The following BCAS3 variants were observed in gnomAD, a reference collection of about 807,000 sequenced individuals.
BCAS3 encodes the protein BCAS3 microtubule associated cell migration factor.
Under a neutral mutation model 116.1 loss-of-function variants are expected in BCAS3, and 53 were observed. The ratio of observed to expected loss-of-function variants is 0.46; its 90% CI spans 0.37 to 0.57. The LOEUF is 0.57. Among genes scored for constraint, BCAS3 ranks in the 20% least tolerant of loss-of-function variants. The pLI, the probability that BCAS3 is intolerant of heterozygous loss-of-function variation, is 0.00. For synonymous variants in BCAS3, 391 were observed against 408.2 expected (o/e 0.96, Z 0.51); for missense variants, 917 against 1,165.4 (o/e 0.79, Z 3.10).
intron 6 of BCAS3, among the ~76,000 whole-genome samples, chr17:60,769,560 C>T (rs2044448924): frequency 6.6e-6 from 1 of 152,120 alleles, no homozygotes; most frequent in African/African-American, 2.4e-5. Context: ...TGTGGGCCTG[C>T]CGTGGGGAAG....
rs563657936 is a variant in BCAS3, at chr17:60,778,760, A to G, written c.404-29244A>G. Among the ~76,000 whole-genome samples, 36 of 152,308 alleles carry G rather than the reference A, an allele frequency of 2.4e-4. No individual in the cohort carries two copies. The South Asian group carries it at 7.5e-3, about 32-fold the overall frequency. ...AAGTGGCTTTAAATCTCTTTATAAG[A>G]TGATACATCTACCATGTAAAAAGAT... On this transcript the variant is annotated intron_variant, in intron 6 of 23. Transcript: ENST00000407086.
intron 7 of BCAS3, among the ~76,000 whole-genome samples, chr17:60,819,821 G>A (rs1371363423): frequency 4.6e-5 from 7 of 151,538 alleles, no homozygotes; most frequent in Non-Finnish European, 1.0e-4. Flanking sequence ...TGAAGGCAAT[G>A]GCTTGATCCT....
intron 7 of BCAS3, among the ~76,000 whole-genome samples, chr17:60,831,262 T>C (rs1343146846): frequency 6.6e-6 from 1 of 152,180 alleles, no homozygotes; most frequent in African/African-American, 2.4e-5. Context: ...CTGCAACCTC[T>C]GCCTCCCAGG....
chr17:60,758,219 T>C (rs2043183016), intron 6 of BCAS3, among the ~76,000 whole-genome samples: 1 of 152,212 alleles, frequency 6.6e-6, no homozygotes, highest in African/African-American at 2.4e-5. Flanking sequence ...GACTCAAAAT[T>C]GCTCTATTTG....
At chr17:60,849,921 G>A (rs780802294) in intron 7 of BCAS3, among the ~76,000 whole-genome samples, 43 of 152,142 alleles carry the variant, frequency 2.8e-4, no homozygotes, top group Non-Finnish European at 4.9e-4. Flanking sequence ...ACCGTGCCTC[G>A]CTGATTTTTT....
intron 22 of BCAS3, among the ~76,000 whole-genome samples, chr17:61,252,010 A>G (rs779710699): frequency 2.6e-5 from 4 of 152,240 alleles, no homozygotes; most frequent in Non-Finnish European, 5.9e-5. Context: ...AATAGCTGAG[A>G]TCACTCAACA....
chr17:61,322,587 T>C (rs1206736457), intron 22 of BCAS3, among the ~76,000 whole-genome samples: 1 of 152,166 alleles, frequency 6.6e-6, no homozygotes. Flanking sequence ...TCCTTTTTCC[T>C]CCCTTTCTCC....
At chr17:60,896,050 G>A (rs963699891) in intron 10 of BCAS3, among the ~76,000 whole-genome samples, 8 of 152,228 alleles carry the variant, frequency 5.3e-5, no homozygotes, top group Non-Finnish European at 2.9e-5. Flanking sequence ...TTAAGGCCAG[G>A]CACGGTTGCA....
intron 7 of BCAS3, among the ~76,000 whole-genome samples, chr17:60,827,660 C>T (rs1056657402): frequency 6.6e-6 from 1 of 152,080 alleles, no homozygotes; most frequent in Non-Finnish European, 1.5e-5. Context: ...TCCATGAAGC[C>T]ATCACATTCC....
At chr17:61,270,948 C>T (rs967895910) in intron 22 of BCAS3, among the ~76,000 whole-genome samples, 16 of 150,130 alleles carry the variant, frequency 1.1e-4, no homozygotes, top group African/African-American at 3.9e-4. Flanking sequence ...TAGTAGAGAC[C>T]GGGTTTCTCC....
At chr17:60,726,861 GA>G (rs1431405244) in intron 5 of BCAS3, among the ~76,000 whole-genome samples, 5 of 151,618 alleles carry the variant, frequency 3.3e-5, no homozygotes, top group Non-Finnish European at 5.9e-5. Context: ...CGTAGAATAT[GA>G]AAAAAAATTG....
chr17:60,894,267 T>C (rs1239703949), intron 10 of BCAS3, among the ~76,000 whole-genome samples: 1 of 152,152 alleles, frequency 6.6e-6, no homozygotes, highest in Non-Finnish European at 1.5e-5. Context: ...CAGTGTTTTG[T>C]AGTTTTTTCT....
At chr17:60,792,177 G>A (rs2046830416) in intron 6 of BCAS3, among the ~76,000 whole-genome samples, 1 of 152,174 alleles carries the variant, frequency 6.6e-6, no homozygotes, top group African/African-American at 2.4e-5. Context: ...TGGAAATGTT[G>A]GGAGGTGGTG....
At chr17:60,894,998 T>C (rs2057413667) in intron 10 of BCAS3, among the ~76,000 whole-genome samples, 1 of 152,200 alleles carries the variant, frequency 6.6e-6, no homozygotes, top group African/African-American at 2.4e-5. Context: ...GTGTCTGTGT[T>C]CATCAGGGAT....
chr17:60,682,531 T>C (rs1288733366), intron 2 of BCAS3, among the ~76,000 whole-genome samples: 2 of 152,194 alleles, frequency 1.3e-5, no homozygotes, highest in Admixed American at 6.6e-5. Flanking sequence ...TTTTTCGTTG[T>C]TGTTTTTTTG....
At chr17:60,748,607 C>T (rs561741940) in intron 6 of BCAS3, among the ~76,000 whole-genome samples, 94 of 152,252 alleles carry the variant, frequency 6.2e-4, no homozygotes, top group African/African-American at 2.2e-3. Flanking sequence ...TGCTGTTTCT[C>T]TGTGTGTAAT....
intron 6 of BCAS3, among the ~76,000 whole-genome samples, chr17:60,800,180 G>T (rs190931685): frequency 2.0e-5 from 3 of 152,224 alleles, no homozygotes; most frequent in African/African-American, 7.2e-5. Context: ...ACCAAGGAGT[G>T]ATGATTGCGG....
chr17:60,980,188 T>C (rs1205914920), intron 14 of BCAS3, among the ~76,000 whole-genome samples: 1 of 152,208 alleles, frequency 6.6e-6, no homozygotes, highest in East Asian at 1.9e-4. Flanking sequence ...GTTATTGGTC[T>C]ATTCAGAGAT....
At chr17:61,257,318 G>A (rs2048861407) in intron 22 of BCAS3, among the ~76,000 whole-genome samples, 1 of 151,636 alleles carries the variant, frequency 6.6e-6, no homozygotes, top group East Asian at 1.9e-4. Flanking sequence ...CTACGCAGGA[G>A]GCTAAGGCAG....
Sources: gnomAD v4.1 joint callset for allele counts (sites outside exome capture counted in the v4.1 genomes callset) on GRCh38, gnomAD v4.1.1 for gene constraint, MANE v1.5 for transcripts, NCBI Gene and HGNC (gene_info 2026-07-23, HGNC 2026-07-21) for gene names.